Variants in IL23R observed in about 807,000 individuals in gnomAD.
IL23R encodes interleukin 23 receptor.
IL23R carries 34 observed loss-of-function variants against 56.9 expected under a neutral mutation model. The observed-to-expected ratio is 0.60, with a 90% CI of 0.45 to 0.80. The LOEUF (loss-of-function observed/expected upper bound fraction) is 0.80. Ranked by LOEUF, IL23R falls within the 30% of genes least tolerant of loss-of-function variation. IL23R has a pLI of 0.00. For synonymous variants in IL23R, 230 were observed against 249.2 expected, an observed-to-expected ratio of 0.92 and a Z score of 0.73; for missense variants, 635 against 730.0, an observed-to-expected ratio of 0.87 and a Z score of 1.50.
chr1:67,233,966 TGTGTGTGA>T, intron 7 of IL23R, among the ~76,000 whole-genome samples: 1 of 144,260 alleles, frequency 6.9e-6, no homozygotes. Flanking sequence ...TGTGTGTGTG[TGTGTGTGA>T]GATTCTGTGT....
At chr1:67,157,723 C>T (rs115077580) in intron 1 of IL23R, among the ~76,000 whole-genome samples, 3,196 of 152,278 alleles carry the variant, frequency 0.021, 87 homozygotes, top group African/African-American at 0.067. Flanking sequence ...TGATCTTCTC[C>T]GAGCATATTA....
At chr1:67,201,420 A>C (rs1393910768) in intron 5 of IL23R, among the ~76,000 whole-genome samples, 1 of 151,940 alleles carries the variant, frequency 6.6e-6, no homozygotes, top group Admixed American at 6.6e-5. Context: ...AAAAAAAAAA[A>C]AAAATCCATA....
intron 1 of IL23R, among the ~76,000 whole-genome samples, chr1:67,142,073 G>A (rs1389896618): frequency 6.6e-6 from 1 of 152,224 alleles, no homozygotes; most frequent in East Asian, 1.9e-4. Flanking sequence ...CGATGGCTGG[G>A]AAAGGGAGAG....
At chr1:67,155,594 C>A (rs575860553) in intron 1 of IL23R, among the ~76,000 whole-genome samples, 2 of 152,136 alleles carry the variant, frequency 1.3e-5, no homozygotes, top group African/African-American at 2.4e-5. Flanking sequence ...GCTATCGATA[C>A]TTGTGTATGC....
intron 4 of IL23R, among the ~76,000 whole-genome samples, chr1:67,194,398 A>G (rs928330757): frequency 2.2e-4 from 33 of 152,272 alleles, no homozygotes; most frequent in African/African-American, 7.9e-4. Context: ...CAGCCATCTC[A>G]TTAGCACTTT....
intron 6 of IL23R, among the ~76,000 whole-genome samples, chr1:67,207,892 A>G (rs1649193226): frequency 1.3e-5 from 2 of 152,350 alleles, no homozygotes; most frequent in African/African-American, 2.4e-5. Context: ...AGAAGAAGAC[A>G]GGAAAATGTG....
chr1:67,183,712 G>A (rs771126328), intron 4 of IL23R, among the ~76,000 whole-genome samples: 1 of 152,090 alleles, frequency 6.6e-6, no homozygotes, highest in Non-Finnish European at 1.5e-5. Context: ...CTTTTAAAGT[G>A]TATATAATTA....
At chr1:67,149,327 C>T (rs1570755653) in intron 1 of IL23R, among the ~76,000 whole-genome samples, 1 of 152,266 alleles carries the variant, frequency 6.6e-6, no homozygotes, top group East Asian at 1.9e-4. Flanking sequence ...AGCAGATTTG[C>T]AGTGAGAAAG....
intron 7 of IL23R, among the ~76,000 whole-genome samples, chr1:67,226,349 G>A (rs1404076947): frequency 2.0e-5 from 3 of 152,224 alleles, no homozygotes; most frequent in Non-Finnish European, 2.9e-5. Flanking sequence ...GAATGTGGGG[G>A]TTTTATTGAG....
chr1:67,254,680 C>T (rs1218648591), intron 9 of IL23R, among the ~76,000 whole-genome samples: 2 of 152,132 alleles, frequency 1.3e-5, no homozygotes, highest in Non-Finnish European at 2.9e-5. Flanking sequence ...CCTTTGAGAA[C>T]CAATTTAAAC....
Position 67,227,998 on chromosome 1 carries a change from CTT to C in IL23R, c.955+8270_955+8271del, listed in dbSNP as rs534970179. 2.4e-4 allele frequency among the ~76,000 whole-genome samples: 24 copies of C among 99,592 alleles called. 4 individuals carry two copies. Among genetic ancestry groups the C allele is most frequent in the African/African-American group, 9.8e-4 (23 of 23,358 alleles). The allele number at this position is 99,592 out of a possible 152,430, so 65.3% of individuals were successfully genotyped here. On this transcript the variant is annotated intron_variant, in intron 7 of 10. Transcript: ENST00000347310. ...TCTTTCTTTCTTTCTTTCTTTCTTT[CTT>C]TCTTTCTTTCTTTCTTTCTTCCTTT...
At chr1:67,183,801 A>G (rs1043532859) in intron 4 of IL23R, among the ~76,000 whole-genome samples, 4 of 152,208 alleles carry the variant, frequency 2.6e-5, no homozygotes, top group African/African-American at 9.6e-5. Flanking sequence ...TACATAGCTG[A>G]TCAACTTTCC....
upstream of IL23R, among the ~76,000 whole-genome samples, chr1:67,165,743 T>C (rs1646867171): frequency 6.6e-6 from 1 of 152,212 alleles, no homozygotes. Context: ...ATCTCACTTA[T>C]ATGCAGAATC....
At chr1:67,209,275 G>A (rs922949432) in intron 6 of IL23R, among the ~76,000 whole-genome samples, 17 of 152,142 alleles carry the variant, frequency 1.1e-4, no homozygotes, top group African/African-American at 3.4e-4. Flanking sequence ...TGACTTTGGG[G>A]GACAATTGGG....
chr1:67,253,939 C>G (rs922210815), intron 9 of IL23R, among the ~76,000 whole-genome samples: 3 of 152,094 alleles, frequency 2.0e-5, no homozygotes, highest in African/African-American at 7.2e-5. Flanking sequence ...TAAAACAAGA[C>G]ATAATTCCAA....
At chr1:67,147,206 C>G (rs1646687326) in intron 1 of IL23R, among the ~76,000 whole-genome samples, 1 of 152,148 alleles carries the variant, frequency 6.6e-6, no homozygotes, top group Non-Finnish European at 1.5e-5. Flanking sequence ...AGTGCTGGTT[C>G]TGTCAAGTCT....
chr1:67,242,925 T>G lies in IL23R; in HGVS notation c.1148+2644T>G, dbSNP rs189775090. Among the ~76,000 whole-genome samples, 5 of 152,328 alleles carry G rather than the reference T, an allele frequency of 3.3e-5. No homozygotes were observed. The East Asian group carries it at 9.6e-4, about 29-fold the overall frequency. ...TTAAATGTCCAATCAGGTAGCCAAA[T>G]GTACCTGAAGCTTTGATTGTTTTCC... On this transcript the variant is annotated intron_variant, in intron 9 of 10. Coordinates refer to ENST00000347310, the MANE Select transcript of IL23R (RefSeq NM_144701.3).
At chr1:67,179,434 GTTTGT>G (rs1376099914) in intron 3 of IL23R, among the ~76,000 whole-genome samples, 1 of 152,164 alleles carries the variant, frequency 6.6e-6, no homozygotes, top group African/African-American at 2.4e-5. Context: ...TCTGATGGTA[GTTTGT>G]ATTTCTGTGG....
intron 10 of IL23R, 131 bp downstream of exon 10, chr1:67,256,058 A>T: frequency 1.6e-6 from 1 of 617,526 alleles, no homozygotes; most frequent in East Asian, 2.9e-5. Context: ...AGACATGTGT[A>T]AAGACAAAAC....
Sources: gnomAD v4.1 joint callset for allele counts (sites outside exome capture counted in the v4.1 genomes callset) on GRCh38, gnomAD v4.1.1 for gene constraint, MANE v1.5 for transcripts, NCBI Gene and HGNC (gene_info 2026-07-23, HGNC 2026-07-21) for gene names.